Variants in MTMR3 observed in about 807,000 individuals in gnomAD.
MTMR3 encodes myotubularin related protein 3, also known as phosphatidylinositol-3,5-bisphosphate 3-phosphatase MTMR3.
In MTMR3, 32 loss-of-function variants were observed where a neutral mutation model predicts 132.4. The ratio of observed to expected loss-of-function variants is 0.24; its 90% CI spans 0.18 to 0.32. The LOEUF (loss-of-function observed/expected upper bound fraction) is 0.32, where lower values mean the gene tolerates loss of function less well. MTMR3 is among the 10% of genes least tolerant of loss of function. MTMR3 has a pLI of 1.00. For synonymous variants in MTMR3, 556 were observed against 550.3 expected, an observed-to-expected ratio of 1.01 and a Z score of -0.14; for missense variants, 1,216 against 1,489.6, an observed-to-expected ratio of 0.82 and a Z score of 3.02.
At chr22:29,937,128 C>T (rs2065765042) in intron 1 of MTMR3, among the ~76,000 whole-genome samples, 1 of 151,968 alleles carries the variant, frequency 6.6e-6, no homozygotes, top group Non-Finnish European at 1.5e-5. Context: ...TCTTTCTAGT[C>T]ATATCTAGTA....
At chr22:29,917,089 A>G (rs987081989) in intron 1 of MTMR3, among the ~76,000 whole-genome samples, 1 of 152,230 alleles carries the variant, frequency 6.6e-6, no homozygotes, top group Non-Finnish European at 1.5e-5. Context: ...AAATAATTCA[A>G]ACAGGAGGAC....
intron 1 of MTMR3, among the ~76,000 whole-genome samples, chr22:29,896,764 A>T (rs2064905013): frequency 6.6e-6 from 1 of 152,168 alleles, no homozygotes. Context: ...CCAGTATTAA[A>T]TGGCAAATTT....
chr22:30,013,301 T>C, intron 13 of MTMR3, 55 bp from the exon 14 acceptor site: 1 of 1,575,582 alleles, frequency 6.3e-7, no homozygotes, highest in Non-Finnish European at 8.7e-7. Context: ...GGCTTAGGAC[T>C]GTCACAGTCT....
In MTMR3 at chr22:29,917,949, G is replaced by A. The variant is rs77550515; in HGVS notation, c.-138+34590G>A. Reference sequence around the variant, plus strand: ...ACTATTAAATGGGATTTGAATAGCTGTCAAGGGATTACTTGATACAGAGAA... The same window carrying A: ...ACTATTAAATGGGATTTGAATAGCTATCAAGGGATTACTTGATACAGAGAA... On this transcript the variant is annotated intron_variant, in intron 1 of 19. Coordinates refer to ENST00000401950, the MANE Select transcript of MTMR3 (RefSeq NM_021090.4). 4.5e-3 allele frequency among the ~76,000 whole-genome samples: 681 copies of A among 152,342 alleles called. 6 individuals carry two copies. The highest frequency in any genetic ancestry group is 0.015 in the African/African-American group (643 of 41,574).
At chr22:29,971,119 T>G in intron 3 of MTMR3, 57 bp downstream of exon 3, 1 of 1,535,014 alleles carries the variant, frequency 6.5e-7, no homozygotes, top group Non-Finnish European at 8.8e-7. Flanking sequence ...GTCCTGACAA[T>G]TAAGTGAACA....
rs2064986029 is a variant in MTMR3, at chr22:29,900,582, G to A, written c.-138+17223G>A. Among the ~76,000 whole-genome samples the A allele has an allele frequency of 3.9e-5, 6 of 152,062 alleles. No homozygotes were observed. In the South Asian group the frequency reaches 1.0e-3, roughly 26 times the overall value. On this transcript the variant is annotated intron_variant, in intron 1 of 19. Coordinates refer to ENST00000401950, the MANE Select transcript of MTMR3 (RefSeq NM_021090.4). ...TACCCTGTGATTTATTATAATACAT[G>A]TATTAACTCATTTAATAGTCTAGGA...
chr22:29,976,619 G>T (rs995312231), intron 3 of MTMR3, among the ~76,000 whole-genome samples: 2 of 152,108 alleles, frequency 1.3e-5, no homozygotes, highest in African/African-American at 4.8e-5. Flanking sequence ...TGTCTCAATT[G>T]TGCTAAGGTA....
At chr22:29,883,592 G>T (rs936714040) in intron 1 of MTMR3, among the ~76,000 whole-genome samples, 1 of 152,062 alleles carries the variant, frequency 6.6e-6, no homozygotes, top group African/African-American at 2.4e-5. Context: ...GCCGAGCTCG[G>T]CCCGGACCCT....
intron 1 of MTMR3, among the ~76,000 whole-genome samples, chr22:29,910,714 CTTT>C (rs78265367): frequency 2.9e-5 from 4 of 139,310 alleles, no homozygotes; most frequent in Admixed American, 7.2e-5. Context: ...GCCTCTTTTC[CTTT>C]TTTTTTTTTT....
chr22:29,938,404 C>T (rs1488235356), intron 1 of MTMR3, among the ~76,000 whole-genome samples: 1 of 152,158 alleles, frequency 6.6e-6, no homozygotes, highest in Non-Finnish European at 1.5e-5. Flanking sequence ...TGAATTTCTC[C>T]TTGTGATAGT....
intron 14 of MTMR3, chr22:30,016,246 TGTGGCGCTTGTGAGA>T: frequency 2.7e-6 from 1 of 369,726 alleles, no homozygotes; most frequent in South Asian, 3.4e-5. Flanking sequence ...GTTCATATGC[TGTGGCGCTTGTGAGA>T]GTGGCTGTTA....
chr22:29,962,335 G>A lies in MTMR3; in HGVS notation c.-85+5247G>A, dbSNP rs141157360. On this transcript the variant is annotated intron_variant, in intron 2 of 19. Transcript: ENST00000401950. ...CTCAGTATATTCACGAAGTTGTGTA[G>A]CCATCACCACAGTCCATTTTAGGAC... is the stretch of plus-strand genomic sequence containing the variant. Among the ~76,000 whole-genome samples, 158 of 152,238 alleles carry A rather than the reference G, an allele frequency of 1.0e-3. 2 individuals carry two copies. Among genetic ancestry groups the A allele is most frequent in the African/African-American group, 3.6e-3 (151 of 41,540 alleles).
At chr22:30,018,120 TC>T in intron 16 of MTMR3, 48 bp downstream of exon 16, 1 of 1,543,964 alleles carries the variant, frequency 6.5e-7, no homozygotes, top group Non-Finnish European at 8.7e-7. Context: ...GTGGGTGTAT[TC>T]CTGTGTTGGG....
At chr22:29,927,258 A>G (rs1221171805) in intron 1 of MTMR3, among the ~76,000 whole-genome samples, 1 of 152,192 alleles carries the variant, frequency 6.6e-6, no homozygotes, top group Non-Finnish European at 1.5e-5. Flanking sequence ...TAATTTCAAA[A>G]CTTACTACAA....
chr22:29,888,884 C>T (rs1405730918), intron 1 of MTMR3, among the ~76,000 whole-genome samples: 1 of 150,964 alleles, frequency 6.6e-6, no homozygotes, highest in African/African-American at 2.4e-5. Context: ...AGTGATTCTC[C>T]CTGCCTCAGC....
intron 1 of MTMR3, among the ~76,000 whole-genome samples, chr22:29,923,020 GC>G (rs1268583571): frequency 4.0e-5 from 6 of 149,848 alleles, no homozygotes; most frequent in Admixed American, 1.3e-4. Flanking sequence ...GACCACAGGT[GC>G]ACACTACCAC....
intron 16 of MTMR3, 160 bp downstream of exon 16, chr22:30,018,232 C>T (rs894340643): frequency 1.3e-6 from 1 of 774,930 alleles, no homozygotes; most frequent in Non-Finnish European, 1.9e-6. Flanking sequence ...GATTTCTGAG[C>T]TACGAGGCTG....
At chr22:29,888,506 G>A in intron 1 of MTMR3, among the ~76,000 whole-genome samples, 1 of 152,174 alleles carries the variant, frequency 6.6e-6, no homozygotes, top group African/African-American at 2.4e-5. Context: ...TTACCTTAAA[G>A]CTATTCTGTT....
intron 1 of MTMR3, among the ~76,000 whole-genome samples, chr22:29,901,557 A>G (rs28635872): frequency 0.1 from 15,457 of 152,228 alleles, 805 homozygotes; most frequent in Middle Eastern, 0.14. Context: ...GATACAGAGT[A>G]GTTCCTCAAA....
Sources: allele counts gnomAD v4.1 joint callset (sites outside exome capture counted in the v4.1 genomes callset), GRCh38; gene constraint gnomAD v4.1.1; transcripts MANE v1.5; gene names NCBI Gene and HGNC (gene_info 2026-07-23, HGNC 2026-07-21).